OR10A2: variants seen among roughly 807,000 people sequenced by gnomAD.
OR10A2 encodes olfactory receptor 10A2.
Under a neutral mutation model 13.7 loss-of-function variants are expected in OR10A2, and 15 were observed. The observed-to-expected ratio is 1.10, with a 90% CI of 0.73 to 1.69. OR10A2 has a LOEUF of 1.69. Ranked by LOEUF, OR10A2 falls within the 40% of genes most tolerant of loss-of-function variation. OR10A2 has a pLI of 0.00. For missense variants in OR10A2, 343 were observed against 361.1 expected, an observed-to-expected ratio of 0.95 and a Z score of 0.41; for synonymous variants, 145 against 144.7, an observed-to-expected ratio of 1.00 and a Z score of -0.02.
At position 6,874,580 on chromosome 11, in the gene OR10A2, T is replaced by G. The variant is rs1043457057; in HGVS notation, c.*3914T>G. On this transcript the variant is annotated 3_prime_UTR_variant, in exon 2 of 2. Transcript: ENST00000641461. ...GTCACTTGTCGGCCAAATCCCTGAC[T>G]TGGACTCAGCCACCCAGGATTCCAA... The G allele has an allele frequency of 6.6e-6, 1 of 152,220 alleles. No individual in the cohort carries two copies. The highest frequency in any genetic ancestry group is 1.5e-5 in the Non-Finnish European group (1 of 68,042). The allele number at this position is 152,220 out of a possible 1,614,324, so 9.4% of individuals were successfully genotyped here. A position where few individuals can be genotyped will look rare whatever the true frequency, so the allele number is the denominator to read the frequency against.
chr11:6,871,531 T>C lies in OR10A2; in HGVS notation c.*865T>C, dbSNP rs988596646. On this transcript the variant is annotated 3_prime_UTR_variant, in exon 2 of 2. Coordinates refer to ENST00000641461, the MANE Select transcript of OR10A2 (RefSeq NM_001004460.2). ...TGCATGTATGAGAGTAGATCAAAAG[T>C]TCACATGCATATGCCTTTATAACCC... is the stretch of plus-strand genomic sequence containing the variant. 1 of 152,312 alleles carries C rather than the reference T, an allele frequency of 6.6e-6. No individual in the cohort carries two copies. Among genetic ancestry groups the C allele is most frequent in the Non-Finnish European group, 1.5e-5 (1 of 68,014 alleles). 9.4% of individuals were successfully genotyped at this position (152,312 alleles called of 1,614,324 possible). A position where few individuals can be genotyped will look rare whatever the true frequency, so the allele number is the denominator to read the frequency against.
Position 6,872,991 on chromosome 11 carries a change from T to TC in OR10A2, c.*2325_*2326insC, listed in dbSNP as rs1564921753. On this transcript the variant is annotated 3_prime_UTR_variant, in exon 2 of 2. Coordinates refer to ENST00000641461, the MANE Select transcript of OR10A2 (RefSeq NM_001004460.2). ...TGCCAAGCCATGCCCAACTAATTTT[T>TC]TTTTTGTATTTTTTAGTAGAGATGC... The TC allele has an allele frequency of 1.3e-5, 2 of 151,146 alleles. No homozygotes were observed. Among genetic ancestry groups the TC allele is most frequent in the African/African-American group, 4.9e-5 (2 of 41,028 alleles). 9.4% of individuals were successfully genotyped at this position (151,146 alleles called of 1,614,324 possible). A position where few individuals can be genotyped will look rare whatever the true frequency, so the allele number is the denominator to read the frequency against.
Position 6,869,730 on chromosome 11 carries a change from G to A in OR10A2, c.-25G>A. ...CCACACTTATAGCTACAGGAAACTGGACAAGAATAAGTGAGTTTATCCTCA... is the reference window on the plus strand; with the variant it reads ...CCACACTTATAGCTACAGGAAACTGAACAAGAATAAGTGAGTTTATCCTCA... On this transcript the variant is annotated 5_prime_UTR_variant, in exon 2 of 2. Coordinates refer to ENST00000641461, the MANE Select transcript of OR10A2 (RefSeq NM_001004460.2). 6.3e-7 allele frequency: 1 copy of A among 1,598,028 alleles called. No individual in the cohort carries two copies.
At chr11:6,866,504 T>C (rs1466496393) in intron 1 of OR10A2, among the ~76,000 whole-genome samples, 1 of 152,226 alleles carries the variant, frequency 6.6e-6, no homozygotes, top group Non-Finnish European at 1.5e-5. Context: ...TCTGATACTA[T>C]TTACATTTTC....
rs960505197 is a variant in OR10A2, at chr11:6,870,989, C to A, written c.*323C>A. 2 of 164,052 alleles carry A rather than the reference C, an allele frequency of 1.2e-5. No homozygotes were observed. Among genetic ancestry groups the A allele is most frequent in the Admixed American group, 1.2e-4 (2 of 16,300 alleles). The allele number at this position is 164,052 out of a possible 1,614,324, so 10.2% of individuals were successfully genotyped here. On this transcript the variant is annotated 3_prime_UTR_variant, in exon 2 of 2. Coordinates refer to ENST00000641461, the MANE Select transcript of OR10A2 (RefSeq NM_001004460.2). The stretch of plus-strand genomic sequence containing the variant: ...TGAGACGGAGTCTCGCTCTGTCCCC[C>A]AGGCTGGAGTGCAGTGGCGCATCTC...
intron 1 of OR10A2, among the ~76,000 whole-genome samples, chr11:6,869,065 A>G (rs1848402475): frequency 6.6e-6 from 1 of 152,212 alleles, no homozygotes; most frequent in African/African-American, 2.4e-5. Context: ...TTGTAATCCA[A>G]TAGATGTGGT....
chr11:6,868,428 TTCTCTATCCC>T (rs944499133), intron 1 of OR10A2, among the ~76,000 whole-genome samples: 2 of 152,166 alleles, frequency 1.3e-5, no homozygotes, highest in Non-Finnish European at 2.9e-5. Context: ...TTTTGATCCC[TTCTCTATCCC>T]ATTCTATCAA....
chr11:6,864,087 G>A (rs1371942035), intron 1 of OR10A2, among the ~76,000 whole-genome samples: 1 of 152,164 alleles, frequency 6.6e-6, no homozygotes, highest in African/African-American at 2.4e-5. Context: ...TGTTCTAGAG[G>A]AACTGGCAAG....
rs1281607414 is a variant in OR10A2, at chr11:6,870,589, C to T, written c.835C>T (p.Leu279=). The change falls in exon 2 of 2, where the codon CTG becomes TTG. Residue 279 remains leucine, a synonymous_variant. Transcript: ENST00000641461. ...TPMLNPIIYS[L]RNNEVKNALS... is the part of the protein sequence containing the mutation. Reference sequence around the variant, plus strand: ...CATGTTGAACCCCATTATCTACAGCCTGAGAAATAACGAGGTGAAGAATGC... The same window carrying T: ...CATGTTGAACCCCATTATCTACAGCTTGAGAAATAACGAGGTGAAGAATGC... 2 of 1,613,832 alleles carry T rather than the reference C, an allele frequency of 1.2e-6. No individual in the cohort carries two copies. Among genetic ancestry groups the T allele is most frequent in the South Asian group, 1.1e-5 (1 of 91,012 alleles).
chr11:6,873,814 A>G lies in OR10A2; in HGVS notation c.*3148A>G, dbSNP rs12419769. 31,151 of 152,174 alleles carry G rather than the reference A, an allele frequency of 0.2. 3,361 individuals are homozygous for G. The highest frequency in any genetic ancestry group is 0.24 in the Non-Finnish European group (16,160 of 67,986). The allele number at this position is 152,174 out of a possible 1,614,324, so 9.4% of individuals were successfully genotyped here. A position where few individuals can be genotyped will look rare whatever the true frequency, so the allele number is the denominator to read the frequency against. Reference sequence around the variant, plus strand: ...TGCTGATAAGACAGATCACATACAAACCAAGGATGGTTTGAAGAGAATGAA... The same window carrying G: ...TGCTGATAAGACAGATCACATACAAGCCAAGGATGGTTTGAAGAGAATGAA... On this transcript the variant is annotated 3_prime_UTR_variant, in exon 2 of 2. Coordinates refer to ENST00000641461, the MANE Select transcript of OR10A2 (RefSeq NM_001004460.2).
rs374792095 is a variant in OR10A2, at chr11:6,871,046, C to T, written c.*380C>T. ...CTGCAAGCTCCGCCTCCTGGGTTCA[C>T]GCTGTTCTCCTGCCTCAGCCTCCCA... On this transcript the variant is annotated 3_prime_UTR_variant, in exon 2 of 2. Transcript: ENST00000641461. 3.2e-4 allele frequency: 49 copies of T among 153,914 alleles called. No homozygotes were observed. Among genetic ancestry groups the T allele is most frequent in the African/African-American group, 9.3e-4 (38 of 40,888 alleles). 9.5% of individuals were successfully genotyped at this position (153,914 alleles called of 1,614,324 possible).
chr11:6,870,617 T>G lies in OR10A2; in HGVS notation c.863T>G (p.Leu288Arg), dbSNP rs765877551. 1.9e-6 allele frequency: 3 copies of G among 1,610,872 alleles called. No individual in the cohort carries two copies. Among genetic ancestry groups the G allele is most frequent in the Non-Finnish European group, 2.5e-6 (3 of 1,178,372 alleles). Residue 288 changes from leucine (L) to arginine (R), a missense_variant, in exon 2 of 2, where the codon CTC becomes CGC. Transcript: ENST00000641461. ...SLRNNEVKNA[L>R]SRTVSKALAL... ...AGAAATAACGAGGTGAAGAATGCCC[T>G]CAGCAGGACGGTCTCTAAGGCCCTA...
chr11:6,872,845 T>C lies in OR10A2; in HGVS notation c.*2179T>C, dbSNP rs1301477460. 5 of 137,084 alleles carry C rather than the reference T, an allele frequency of 3.6e-5. No individual in the cohort carries two copies. The highest frequency in any genetic ancestry group is 1.3e-4 in the African/African-American group (5 of 37,106). 8.5% of individuals were successfully genotyped at this position (137,084 alleles called of 1,614,324 possible). ...TTTTTTTTTTTTTTTGAGACAAAGG[T>C]CTGCTCTATTACTCAGGCTGCTGGG... On this transcript the variant is annotated 3_prime_UTR_variant, in exon 2 of 2. Coordinates refer to ENST00000641461, the MANE Select transcript of OR10A2 (RefSeq NM_001004460.2).
intron 1 of OR10A2, among the ~76,000 whole-genome samples, chr11:6,865,933 G>A (rs138688573): frequency 2.0e-5 from 3 of 152,064 alleles, no homozygotes; most frequent in Admixed American, 6.6e-5. Context: ...CCACCCTCTC[G>A]TTAGTCACTG....
chr11:6,863,460 G>A (rs1296041858), intron 1 of OR10A2, 109 bp downstream of exon 1: 1 of 138,666 alleles, frequency 7.2e-6, no homozygotes, highest in Non-Finnish European at 1.5e-5. Context: ...ATCAGAGTTT[G>A]GATACCTAAT....
intron 1 of OR10A2, among the ~76,000 whole-genome samples, chr11:6,866,106 A>G (rs1213650568): frequency 6.6e-6 from 1 of 152,238 alleles, no homozygotes; most frequent in African/African-American, 2.4e-5. Flanking sequence ...TGCTGAGTTT[A>G]CTAAGGTATA....
intron 1 of OR10A2, among the ~76,000 whole-genome samples, chr11:6,864,896 C>A (rs1215195564): frequency 6.8e-6 from 1 of 148,060 alleles, no homozygotes; most frequent in Non-Finnish European, 1.5e-5. Context: ...CATTTATTTT[C>A]CATATAATTA....
chr11:6,869,453 T>A (rs901218850), intron 1 of OR10A2, among the ~76,000 whole-genome samples, 170 bp from the exon 2 acceptor site: 2 of 152,244 alleles, frequency 1.3e-5, no homozygotes, highest in Non-Finnish European at 2.9e-5. Flanking sequence ...TGACTTTGCA[T>A]GCCCTTTCTG....
At position 6,874,056 on chromosome 11, in the gene OR10A2, G is replaced by A. The variant is rs1255057462; in HGVS notation, c.*3390G>A. On this transcript the variant is annotated 3_prime_UTR_variant, in exon 2 of 2. Transcript: ENST00000641461. ...TGGGGTATCTACAAAGAGGAGGTTT[G>A]AGGTGGAGGAAGCAGACAAGCACAT... 6.6e-6 allele frequency: 1 copy of A among 152,236 alleles called. No individual in the cohort carries two copies. The highest frequency in any genetic ancestry group is 1.5e-5 in the Non-Finnish European group (1 of 68,046). 9.4% of individuals were successfully genotyped at this position (152,236 alleles called of 1,614,324 possible).
Sources: gnomAD v4.1 joint callset for allele counts (sites outside exome capture counted in the v4.1 genomes callset) on GRCh38, gnomAD v4.1.1 for gene constraint, MANE v1.5 for transcripts, NCBI Gene and HGNC (gene_info 2026-07-23, HGNC 2026-07-21) for gene names.